The following CD2AP variants were observed in gnomAD, a reference collection of about 807,000 sequenced individuals.
The protein encoded by CD2AP is CD2-associated protein.
Under a neutral mutation model 85.1 loss-of-function variants are expected in CD2AP, and 46 were observed. That is an observed-to-expected ratio of 0.54 (90% CI 0.43 to 0.69). The LOEUF is 0.69. CD2AP is among the 30% of genes least tolerant of loss of function. CD2AP has a pLI of 0.00. For synonymous variants in CD2AP, 255 were observed against 252.9 expected (o/e 1.01, Z -0.08); for missense variants, 769 against 729.5 (o/e 1.05, Z -0.62).
At chr6:47,560,920 C>T (rs1050014636) in intron 5 of CD2AP, among the ~76,000 whole-genome samples, 3 of 152,152 alleles carry the variant, frequency 2.0e-5, no homozygotes, top group African/African-American at 7.2e-5. Context: ...CTAATACCAT[C>T]ATCCCTTCTA....
At chr6:47,537,335 C>T (rs1767078881) in intron 3 of CD2AP, among the ~76,000 whole-genome samples, 1 of 152,112 alleles carries the variant, frequency 6.6e-6, no homozygotes, top group South Asian at 2.1e-4. Context: ...TTCATGGTGG[C>T]TCTTTGACAT....
intron 2 of CD2AP, among the ~76,000 whole-genome samples, chr6:47,509,158 A>G (rs1766254273): frequency 6.6e-6 from 1 of 152,166 alleles, no homozygotes; most frequent in African/African-American, 2.4e-5. Flanking sequence ...AGGAGTGGGA[A>G]AGGGTAGGAA....
At chr6:47,500,361 G>A (rs1343152178) in intron 1 of CD2AP, among the ~76,000 whole-genome samples, 1 of 152,048 alleles carries the variant, frequency 6.6e-6, no homozygotes, top group African/African-American at 2.4e-5. Flanking sequence ...GAGCAGTTTG[G>A]TATTTCATTT....
intron 1 of CD2AP, among the ~76,000 whole-genome samples, chr6:47,501,851 G>A (rs1237350952): frequency 6.6e-6 from 1 of 152,080 alleles, no homozygotes; most frequent in Non-Finnish European, 1.5e-5. Flanking sequence ...TATTAAAAGA[G>A]GTAAAATAAA....
intron 2 of CD2AP, among the ~76,000 whole-genome samples, chr6:47,513,205 A>T (rs1170175621): frequency 6.6e-6 from 1 of 151,738 alleles, no homozygotes; most frequent in Admixed American, 6.6e-5. Flanking sequence ...ATCTTCCTCA[A>T]AGTTTACAGT....
intron 11 of CD2AP, among the ~76,000 whole-genome samples, chr6:47,582,843 C>T (rs1324383927): frequency 6.8e-6 from 1 of 147,396 alleles, no homozygotes. Flanking sequence ...AGTGCAGTGG[C>T]GCAATATCGG....
In CD2AP at chr6:47,597,844, G is replaced by T. The variant is rs116159876; in HGVS notation, c.1275-1457G>T. 2.9e-3 allele frequency among the ~76,000 whole-genome samples: 435 copies of T among 150,748 alleles called. 31 individuals carry two copies. The highest frequency in any genetic ancestry group is 5.8e-3 in the Non-Finnish European group (390 of 67,068). On this transcript the variant is annotated intron_variant, in intron 12 of 17. Transcript: ENST00000359314. ...GAGATGGCTGTCTGGAATAAAGTTG[G>T]CCTGGGTGATAATCCTGGAAAGATT...
At position 47,576,538 on chromosome 6, in the gene CD2AP, G is replaced by A. The variant is rs746297717; in HGVS notation, c.744G>A (p.Gln248=). The A allele has an allele frequency of 9.9e-6, 16 of 1,610,876 alleles. No individual in the cohort carries two copies. In the South Asian group the frequency reaches 1.6e-4, roughly 17 times the overall value. ...TTCTATTCTAGCCCTTAATCCTACA[G>A]TCACTGGGACCCAAAACTCAGAGTG... is the stretch of plus-strand genomic sequence containing the variant. The part of the protein sequence containing the change: ...EKKPEKPLIL[Q]SLGPKTQSVE... The change falls in exon 7 of 18, where the codon CAG becomes CAA. Residue 248 remains glutamine (Q), a synonymous_variant. Coordinates refer to ENST00000359314, the MANE Select transcript of CD2AP (RefSeq NM_012120.3).
chr6:47,508,546 GTTT>G (rs59914741), intron 2 of CD2AP, among the ~76,000 whole-genome samples: 1 of 91,464 alleles, frequency 1.1e-5, no homozygotes, highest in Non-Finnish European at 2.2e-5. Context: ...TTTTTTTTTT[GTTT>G]TTTTTTTTTT....
chr6:47,585,487 A>G (rs1021353614), intron 11 of CD2AP, among the ~76,000 whole-genome samples: 2 of 152,192 alleles, frequency 1.3e-5, no homozygotes, highest in Admixed American at 6.5e-5. Context: ...GTGACACTGA[A>G]GTGAGACCTA....
At chr6:47,538,852 A>G (rs1409056208) in intron 3 of CD2AP, among the ~76,000 whole-genome samples, 3 of 152,224 alleles carry the variant, frequency 2.0e-5, no homozygotes, top group Non-Finnish European at 4.4e-5. Flanking sequence ...GATGACTCAC[A>G]TTTAGAAATT....
At chr6:47,490,189 C>T (rs908147214) in intron 1 of CD2AP, among the ~76,000 whole-genome samples, 19 of 152,110 alleles carry the variant, frequency 1.2e-4, no homozygotes, top group Non-Finnish European at 2.8e-4. Flanking sequence ...TGCCATATTG[C>T]CCAGGCTGGT....
At chr6:47,551,597 G>T (rs913335521) in intron 4 of CD2AP, among the ~76,000 whole-genome samples, 1 of 152,180 alleles carries the variant, frequency 6.6e-6, no homozygotes, top group African/African-American at 2.4e-5. Flanking sequence ...AAGATAAGTG[G>T]TGGCTGTTTT....
At chr6:47,486,602 C>T (rs943926896) in intron 1 of CD2AP, among the ~76,000 whole-genome samples, 2 of 152,142 alleles carry the variant, frequency 1.3e-5, no homozygotes, top group East Asian at 3.8e-4. Flanking sequence ...TTTTCCTCCA[C>T]TTCTGGCAAA....
intron 1 of CD2AP, among the ~76,000 whole-genome samples, chr6:47,497,978 C>A (rs1020077626): frequency 6.6e-6 from 1 of 152,132 alleles, no homozygotes; most frequent in Admixed American, 6.6e-5. Context: ...AGGTTGGTGC[C>A]ACTATTTCTT....
chr6:47,595,772 C>T, intron 11 of CD2AP, 89 bp from the exon 12 acceptor site: 1 of 1,061,986 alleles, frequency 9.4e-7, no homozygotes, highest in Non-Finnish European at 1.4e-6. Context: ...GCCTCTGTCA[C>T]ACTTTTCCAG....
chr6:47,547,690 A>G (rs983284622), intron 4 of CD2AP, among the ~76,000 whole-genome samples: 1 of 152,292 alleles, frequency 6.6e-6, no homozygotes, highest in Admixed American at 6.5e-5. Context: ...ACAAATACTT[A>G]TACAACATTC....
intron 2 of CD2AP, among the ~76,000 whole-genome samples, chr6:47,516,563 A>G (rs1338886410): frequency 1.3e-5 from 2 of 152,208 alleles, no homozygotes; most frequent in African/African-American, 4.8e-5. Flanking sequence ...ATGATGTGCA[A>G]TGGATGCTTT....
intron 13 of CD2AP, among the ~76,000 whole-genome samples, chr6:47,605,866 A>G (rs1279532899): frequency 1.3e-5 from 2 of 152,004 alleles, no homozygotes; most frequent in Admixed American, 1.3e-4. Context: ...TTTGTGATAC[A>G]GATTTATTTT....
Sources: allele counts gnomAD v4.1 joint callset (sites outside exome capture counted in the v4.1 genomes callset), GRCh38; gene constraint gnomAD v4.1.1; transcripts MANE v1.5; gene names NCBI Gene and HGNC (gene_info 2026-07-23, HGNC 2026-07-21).